The following PCNT variants were observed in gnomAD, a reference collection of about 807,000 sequenced individuals.
The protein encoded by PCNT is kendrin.
Under a neutral mutation model 380.4 loss-of-function variants are expected in PCNT, and 319 were observed. The ratio of observed to expected loss-of-function variants is 0.84; its 90% confidence interval spans 0.77 to 0.92. PCNT has a LOEUF of 0.92. PCNT is among the 40% of genes least tolerant of loss of function. The probability of loss-of-function intolerance (pLI) is 0.00; values close to 1 mark genes in which losing one functional copy is unlikely to be tolerated. For missense variants in PCNT, 4,400 were observed against 4,255.3 expected (o/e 1.03, Z -0.95); for synonymous variants, 1,845 against 1,735.2 (o/e 1.06, Z -1.57).
At chr21:46,349,270 C>A in intron 7 of PCNT, 84 bp downstream of exon 7, 3 of 1,104,758 alleles carry the variant, frequency 2.7e-6, no homozygotes, top group Non-Finnish European at 4.2e-6. Flanking sequence ...TGTCACCATG[C>A]GTCATTGCGC....
At chr21:46,420,337 G>A (rs903877220) in intron 31 of PCNT, among the ~76,000 whole-genome samples, 5 of 151,986 alleles carry the variant, frequency 3.3e-5, no homozygotes, top group Admixed American at 3.3e-4. Flanking sequence ...TTTTATTTTT[G>A]TTCTCATTTC....
intron 13 of PCNT, among the ~76,000 whole-genome samples, chr21:46,360,147 G>A (rs1030238662): frequency 4.7e-5 from 7 of 150,270 alleles, no homozygotes; most frequent in Non-Finnish European, 8.9e-5. Flanking sequence ...GTGAGCCACT[G>A]CACCTGGCCT....
At chr21:46,444,888 G>C in intron 46 of PCNT, 67 bp downstream of exon 46, 3 of 1,460,428 alleles carry the variant, frequency 2.1e-6, no homozygotes, top group East Asian at 2.3e-5. Flanking sequence ...CGTAGGGTCT[G>C]TTGAAAGATG....
In PCNT at chr21:46,412,735, C is replaced by T. The variant is rs963759616; in HGVS notation, c.5995-102C>T. The T allele has an allele frequency of 9.1e-5, 112 of 1,236,472 alleles. 2 individuals carry two copies. The highest frequency in any genetic ancestry group is 7.0e-4 in the South Asian group (58 of 82,994). The allele number at this position is 1,236,472 out of a possible 1,614,324, so 76.6% of individuals were successfully genotyped here. ...TGTCACTGCCACCTCCCTCTGGCAT[C>T]CCTGCTGGCTGCCGTACTGGTTCCC... On this transcript the variant is annotated intron_variant, in intron 28 of 46. Transcript: ENST00000359568.
rs768557846 is a variant in PCNT, at chr21:46,416,249, A to T, written c.6331A>T (p.Ser2111Cys). Residue 2111 changes from serine (S) to cysteine (C), a missense_variant, in exon 30 of 47, where the codon AGT (serine) becomes TGT (cysteine). Ser to Cys is a moderately radical substitution (Grantham distance 112, BLOSUM62 -1). Coordinates refer to ENST00000359568, the MANE Select transcript of PCNT (RefSeq NM_006031.6). ...ASAHLLESSW[S>C]DDSCDGEEPD... ...AGCACACCTGTTGGAGAGCAGCTGG[A>T]GTGATGATTCCTGTGACGGAGAAGA... is the stretch of plus-strand genomic sequence containing the variant. 1 of 1,614,158 alleles carries T rather than the reference A, an allele frequency of 6.2e-7. No homozygotes were observed. The highest frequency in any genetic ancestry group is 1.1e-5 in the South Asian group (1 of 91,072).
At position 46,428,538 on chromosome 21, in the gene PCNT, G is replaced by A. The variant is rs750137282; in HGVS notation, c.7638G>A (p.Leu2546=). The change falls in exon 35 of 47, where the codon CTG becomes CTA. Residue 2546 remains leucine (L), a synonymous_variant. Coordinates refer to ENST00000359568, the MANE Select transcript of PCNT (RefSeq NM_006031.6). ...QEKLQHLRTA[L]TSAEARGSQQ... is the part of the protein sequence containing the mutation. Reference sequence around the variant, plus strand: ...AGCTGCAGCACTTGCGCACGGCGCTGACAAGCGCAGAGGCGCGCGGGAGCC... The same window carrying A: ...AGCTGCAGCACTTGCGCACGGCGCTAACAAGCGCAGAGGCGCGCGGGAGCC... 6.2e-7 allele frequency: 1 copy of A among 1,609,910 alleles called. No individual in the cohort carries two copies. The highest frequency in any genetic ancestry group is 8.5e-7 in the Non-Finnish European group (1 of 1,179,600).
chr21:46,386,116 G>T, intron 17 of PCNT, 133 bp downstream of exon 17: 1 of 1,037,884 alleles, frequency 9.6e-7, no homozygotes, highest in Non-Finnish European at 1.5e-6. Flanking sequence ...GGTGGACGGG[G>T]ACCCGGCTTC....
chr21:46,382,839 T>C (rs536130882), intron 16 of PCNT, among the ~76,000 whole-genome samples: 2,789 of 119,484 alleles, frequency 0.023, 350 homozygotes, highest in African/African-American at 0.12. Flanking sequence ...CACGGTGTTG[T>C]GCGTTCAGTG....
In PCNT at chr21:46,401,635, C is replaced by T. The variant is rs767060276; in HGVS notation, c.4876C>T (p.Pro1626Ser). 3 of 1,613,888 alleles carry T rather than the reference C, an allele frequency of 1.9e-6. No homozygotes were observed. The highest frequency in any genetic ancestry group is 2.2e-5 in the East Asian group (1 of 44,888). The change falls in exon 26 of 47, where the codon CCC (proline) becomes TCC (serine). Residue 1626 changes from proline to serine, a missense_variant. By Grantham distance (74) the Pro-to-Ser change is moderately conservative (BLOSUM62 -1). Transcript: ENST00000359568. ...GTCTACACTAGATGCAGGCAGATGT[C>T]CCGAGCCTCCTTCGGGCAGCCCTCC... The part of the protein sequence containing the change: ...LQSTLDAGRC[P>S]EPPSGSPPEG...
At chr21:46,398,668 A>G (rs1023374834) in intron 24 of PCNT, among the ~76,000 whole-genome samples, 3 of 152,096 alleles carry the variant, frequency 2.0e-5, no homozygotes, top group East Asian at 1.9e-4. Context: ...AAACTTTACC[A>G]TCTTCCTGAT....
In PCNT at chr21:46,389,008, C is replaced by T. The variant is rs1377342509; in HGVS notation, c.3607+124C>T. The T allele has an allele frequency of 2.1e-6, 3 of 1,431,286 alleles. No homozygotes were observed. The East Asian group carries it at 7.4e-5, about 36-fold the overall frequency. 88.7% of individuals were successfully genotyped at this position (1,431,286 alleles called of 1,614,324 possible). On this transcript the variant is annotated intron_variant, in intron 18 of 46. Transcript: ENST00000359568. ...GGAGCACTGCCGTCCTGGTTTCCTG[C>T]TAGTTTCCGCACTTACAGAAGGCCG...
Position 46,411,844 on chromosome 21 carries a change from C to A in PCNT, c.5771C>A (p.Ala1924Glu). Residue 1924 changes from alanine to glutamate, a missense_variant, in exon 28 of 47, where the codon GCG becomes GAG. Transcript: ENST00000359568. ...AAPPELQWLR[A>E]QCARLSRQLQ... ...CCTCCCGAGCTGCAGTGGCTCCGAG[C>A]GCAGTGTGCCCGCCTCAGCCGCCAG... The A allele has an allele frequency of 6.4e-7, 1 of 1,558,976 alleles. No homozygotes were observed. Among genetic ancestry groups the A allele is most frequent in the Non-Finnish European group, 8.6e-7 (1 of 1,157,856 alleles).
intron 3 of PCNT, among the ~76,000 whole-genome samples, chr21:46,339,215 C>T (rs184233989): frequency 6.6e-6 from 1 of 152,184 alleles, no homozygotes; most frequent in East Asian, 1.9e-4. Flanking sequence ...TGTGCCTGGC[C>T]TGTTTTTATT....
chr21:46,433,778 A>T (rs1269792214), intron 38 of PCNT, among the ~76,000 whole-genome samples: 2 of 152,036 alleles, frequency 1.3e-5, no homozygotes, highest in African/African-American at 2.4e-5. Context: ...TTTATTTATT[A>T]ATTTTTTTTT....
At chr21:46,372,225 T>TGCACACACAGCACATGC (rs1336339195) in intron 15 of PCNT, among the ~76,000 whole-genome samples, 2 of 147,330 alleles carry the variant, frequency 1.4e-5, no homozygotes, top group African/African-American at 5.0e-5. Flanking sequence ...ACAGCACATG[T>TGCACACACAGCACATGC]GCACACACAG....
chr21:46,357,342 C>A, intron 13 of PCNT, 151 bp downstream of exon 13: 1 of 705,560 alleles, frequency 1.4e-6, no homozygotes, highest in Non-Finnish European at 2.6e-6. Flanking sequence ...CCCGTAAATT[C>A]TTGAAACTAT....
At chr21:46,366,561 C>T in intron 14 of PCNT, 23 bp from the exon 15 acceptor site, 1 of 1,603,212 alleles carries the variant, frequency 6.2e-7, no homozygotes, top group East Asian at 2.2e-5. Context: ...TTTAACTGTC[C>T]TGTGTTCACT....
At chr21:46,417,976 A>G (rs190169085) in intron 30 of PCNT, among the ~76,000 whole-genome samples, 397 of 152,306 alleles carry the variant, frequency 2.6e-3, no homozygotes, top group Non-Finnish European at 4.2e-3. Context: ...AACAATTTAA[A>G]TCTGAAATAT....
intron 33 of PCNT, 132 bp from the exon 34 acceptor site, chr21:46,427,490 C>T: frequency 1.1e-6 from 1 of 947,028 alleles, no homozygotes; most frequent in South Asian, 1.4e-5. Flanking sequence ...TCTTCCTCTT[C>T]TTAAGAGGCC....
Sources: allele counts gnomAD v4.1 joint callset (sites outside exome capture counted in the v4.1 genomes callset), GRCh38; gene constraint gnomAD v4.1.1; transcripts MANE v1.5; gene names NCBI Gene and HGNC (gene_info 2026-07-23, HGNC 2026-07-21).